GMDS: variants seen among roughly 807,000 people sequenced by gnomAD.
The protein encoded by GMDS is GDP-mannose 4,6 dehydratase.
GMDS carries 20 observed loss-of-function variants against 49.9 expected under a neutral mutation model. That is an observed-to-expected ratio of 0.40 (90% CI 0.28 to 0.58). The LOEUF (loss-of-function observed/expected upper bound fraction) is 0.58, where lower values mean the gene tolerates loss of function less well. Ranked by LOEUF, GMDS falls within the 20% of genes least tolerant of loss-of-function variation. GMDS has a pLI of 0.42. For synonymous variants in GMDS, 177 were observed against 178.6 expected (o/e 0.99, Z 0.07); for missense variants, 362 against 481.4 (o/e 0.75, Z 2.32).
intron 1 of GMDS, among the ~76,000 whole-genome samples, chr6:2,126,351 G>C (rs770802384): frequency 6.6e-6 from 1 of 152,076 alleles, no homozygotes; most frequent in Non-Finnish European, 1.5e-5. Context: ...GGGACGTTTG[G>C]GTTTTCTTCG....
chr6:2,094,534 C>G (rs1773488225), intron 4 of GMDS, among the ~76,000 whole-genome samples: 3 of 152,034 alleles, frequency 2.0e-5, no homozygotes, highest in African/African-American at 7.2e-5. Flanking sequence ...TGTTCAGTAC[C>G]ACATTCTATA....
chr6:1,665,619 G>T (rs906714782), intron 9 of GMDS, among the ~76,000 whole-genome samples: 8 of 152,182 alleles, frequency 5.3e-5, no homozygotes, highest in Non-Finnish European at 8.8e-5. Flanking sequence ...GGGGCAGAAG[G>T]CTTTGCTGTT....
chr6:1,830,884 A>T (rs912731838), intron 7 of GMDS, among the ~76,000 whole-genome samples: 1 of 152,220 alleles, frequency 6.6e-6, no homozygotes, highest in Admixed American at 6.5e-5. Context: ...TTGTAGACCG[A>T]TATGTGAAAA....
At chr6:1,900,946 C>T (rs1760472371) in intron 7 of GMDS, among the ~76,000 whole-genome samples, 1 of 152,256 alleles carries the variant, frequency 6.6e-6, no homozygotes, top group Admixed American at 6.5e-5. Flanking sequence ...TAACTCACTA[C>T]CACGCAAGGG....
chr6:1,653,751 G>A (rs1446883936), intron 9 of GMDS, among the ~76,000 whole-genome samples: 2 of 152,150 alleles, frequency 1.3e-5, no homozygotes, highest in African/African-American at 2.4e-5. Flanking sequence ...ATCCACATGC[G>A]AAAGAACACA....
chr6:1,961,054 C>G (rs1372203708), intron 4 of GMDS, 88 bp from the exon 5 acceptor site: 5 of 650,540 alleles, frequency 7.7e-6, no homozygotes, highest in Non-Finnish European at 1.2e-5. Flanking sequence ...CAATTTCACA[C>G]ACTGTGAAAT....
At chr6:2,053,485 G>C (rs182258081) in intron 4 of GMDS, among the ~76,000 whole-genome samples, 1 of 151,990 alleles carries the variant, frequency 6.6e-6, no homozygotes, top group African/African-American at 2.4e-5. Flanking sequence ...TGGCTTTTCT[G>C]AGATTTTTAA....
At chr6:1,940,684 GTC>G (rs1762781526) in intron 6 of GMDS, among the ~76,000 whole-genome samples, 1 of 152,236 alleles carries the variant, frequency 6.6e-6, no homozygotes, top group Non-Finnish European at 1.5e-5. Context: ...ATGTGCATTT[GTC>G]TGAGATAGCT....
chr6:2,134,783 T>C (rs1336791059), intron 1 of GMDS, among the ~76,000 whole-genome samples: 1 of 152,242 alleles, frequency 6.6e-6, no homozygotes, highest in Non-Finnish European at 1.5e-5. Flanking sequence ...AGTTAAGCTA[T>C]CAACTTTCTA....
At chr6:2,173,257 G>A (rs1159619556) in intron 1 of GMDS, among the ~76,000 whole-genome samples, 3 of 152,198 alleles carry the variant, frequency 2.0e-5, no homozygotes, top group African/African-American at 7.2e-5. Context: ...CCTACTTGCT[G>A]ATACCTAGTT....
chr6:1,835,163 G>T (rs930301870), intron 7 of GMDS, among the ~76,000 whole-genome samples: 1 of 152,168 alleles, frequency 6.6e-6, no homozygotes, highest in Non-Finnish European at 1.5e-5. Flanking sequence ...TTGCGTAAGG[G>T]GGGGTCTGTC....
intron 7 of GMDS, among the ~76,000 whole-genome samples, chr6:1,905,910 G>A (rs866129466): frequency 1.4e-5 from 1 of 72,986 alleles, no homozygotes; most frequent in Non-Finnish European, 2.9e-5. Flanking sequence ...CTGGGAACAC[G>A]TATGCAGGTG....
At chr6:1,921,288 A>T (rs1436597952) in intron 7 of GMDS, among the ~76,000 whole-genome samples, 1 of 152,206 alleles carries the variant, frequency 6.6e-6, no homozygotes, top group Non-Finnish European at 1.5e-5. Context: ...CTAAGAATGC[A>T]CCCAGTCTCA....
intron 9 of GMDS, among the ~76,000 whole-genome samples, chr6:1,657,891 A>G (rs1763939322): frequency 6.8e-6 from 1 of 147,564 alleles, no homozygotes; most frequent in African/African-American, 2.5e-5. Flanking sequence ...TCCCATAATT[A>G]GACTAAGTGG....
intron 1 of GMDS, among the ~76,000 whole-genome samples, chr6:2,151,033 A>G (rs1156863645): frequency 6.6e-6 from 1 of 152,184 alleles, no homozygotes; most frequent in African/African-American, 2.4e-5. Flanking sequence ...GTATTTGTCT[A>G]TAAGGTAATA....
chr6:1,726,530 A>G lies in GMDS; in HGVS notation c.891-18T>C. 5 of 1,547,316 alleles carry G rather than the reference A, an allele frequency of 3.2e-6. No individual in the cohort carries two copies. The highest frequency in any genetic ancestry group is 4.5e-6 in the Non-Finnish European group (5 of 1,118,972). ...CTTCCCACCTGTAAGGAAGATAAAC[A>G]CTGAATCAGCTCCTAATTGCTTGGG... is the stretch of plus-strand genomic sequence containing the variant. On this transcript the variant is annotated intron_variant, in intron 8 of 10. Coordinates refer to ENST00000380815, the MANE Select transcript of GMDS (RefSeq NM_001500.4).
intron 1 of GMDS, among the ~76,000 whole-genome samples, chr6:2,161,288 C>T (rs761084825): frequency 6.6e-5 from 10 of 152,172 alleles, no homozygotes; most frequent in Admixed American, 2.0e-4. Flanking sequence ...GGATTACAAG[C>T]GTGAGCCACC....
At chr6:1,958,409 G>A (rs1763760898) in intron 6 of GMDS, among the ~76,000 whole-genome samples, 2 of 151,952 alleles carry the variant, frequency 1.3e-5, no homozygotes, top group Non-Finnish European at 2.9e-5. Context: ...AGACTCTGTG[G>A]GCGCCCTCAT....
At chr6:2,145,663 A>C (rs1236810411) in intron 1 of GMDS, among the ~76,000 whole-genome samples, 1 of 152,224 alleles carries the variant, frequency 6.6e-6, no homozygotes, top group Non-Finnish European at 1.5e-5. Context: ...CAAACAATAA[A>C]AAAACAGCAA....
Sources: gnomAD v4.1 joint callset for allele counts (sites outside exome capture counted in the v4.1 genomes callset) on GRCh38, gnomAD v4.1.1 for gene constraint, MANE v1.5 for transcripts, NCBI Gene and HGNC (gene_info 2026-07-23, HGNC 2026-07-21) for gene names.